The following CSGALNACT1 variants were observed in gnomAD, a reference collection of about 807,000 sequenced individuals.
CSGALNACT1 encodes chondroitin sulfate N-acetylgalactosaminyltransferase 1, also known as beta4GalNAcT-1.
Under a neutral mutation model 51.0 loss-of-function variants are expected in CSGALNACT1, and 52 were observed. The ratio of observed to expected loss-of-function variants is 1.02; its 90% CI spans 0.82 to 1.29. The LOEUF is 1.29. Among genes scored for constraint, CSGALNACT1 ranks in the 50% most tolerant of loss-of-function variants. CSGALNACT1 has a pLI of 0.00. For missense variants in CSGALNACT1, 935 were observed against 679.2 expected (o/e 1.38, Z -4.19); for synonymous variants, 341 against 254.4 (o/e 1.34, Z -3.24).
chr8:19,601,602 AGTAATT>A (rs1188478754), intron 2 of CSGALNACT1, among the ~76,000 whole-genome samples, 163 bp downstream of exon 2: 4 of 152,350 alleles, frequency 2.6e-5, no homozygotes, highest in African/African-American at 9.6e-5. Flanking sequence ...AATGGAGCCA[AGTAATT>A]GTATTATTTT....
intron 3 of CSGALNACT1, among the ~76,000 whole-genome samples, chr8:19,569,447 C>G (rs1286575597): frequency 1.3e-5 from 2 of 152,084 alleles, no homozygotes; most frequent in East Asian, 3.9e-4. Context: ...CTTTTTGAAC[C>G]CAGTACTGAA....
intron 5 of CSGALNACT1, among the ~76,000 whole-genome samples, chr8:19,447,034 C>T (rs1160508978): frequency 6.6e-6 from 1 of 152,186 alleles, no homozygotes; most frequent in African/African-American, 2.4e-5. Flanking sequence ...TTCCCAAGAG[C>T]CAAAAGCCCT....
intron 3 of CSGALNACT1, among the ~76,000 whole-genome samples, chr8:19,560,487 A>G (rs2040461632): frequency 6.6e-6 from 1 of 152,200 alleles, no homozygotes; most frequent in Admixed American, 6.5e-5. Flanking sequence ...AGTCACATGT[A>G]TAACCAACAG....
At chr8:19,667,778 AAATGT>A (rs1313506560) in intron 1 of CSGALNACT1, among the ~76,000 whole-genome samples, 2 of 152,218 alleles carry the variant, frequency 1.3e-5, no homozygotes, top group Non-Finnish European at 2.9e-5. Flanking sequence ...AAGCCACAGA[AAATGT>A]AATGTAAGAT....
At chr8:19,754,764 C>G (rs897940089) in intron 1 of CSGALNACT1, among the ~76,000 whole-genome samples, 1 of 152,178 alleles carries the variant, frequency 6.6e-6, no homozygotes, top group Non-Finnish European at 1.5e-5. Context: ...CCTTAAAGGA[C>G]AGGATAATGG....
chr8:19,569,581 G>A (rs983048495), intron 3 of CSGALNACT1, among the ~76,000 whole-genome samples: 1 of 152,014 alleles, frequency 6.6e-6, no homozygotes, highest in African/African-American at 2.4e-5. Flanking sequence ...GTTGGTTGTT[G>A]ACAATACCAA....
intron 3 of CSGALNACT1, among the ~76,000 whole-genome samples, chr8:19,567,797 G>T (rs536360189): frequency 3.3e-5 from 5 of 152,156 alleles, no homozygotes; most frequent in East Asian, 1.9e-4. Context: ...GTTTAACAAC[G>T]TTGTTAGATG....
At chr8:19,483,589 G>A (rs1328172598) in intron 4 of CSGALNACT1, among the ~76,000 whole-genome samples, 1 of 152,096 alleles carries the variant, frequency 6.6e-6, no homozygotes, top group South Asian at 2.1e-4. Context: ...TTCCTCCAGG[G>A]ATCAATCCTT....
chr8:19,469,195 G>C (rs113981051), intron 4 of CSGALNACT1, among the ~76,000 whole-genome samples: 3,478 of 152,250 alleles, frequency 0.023, 146 homozygotes, highest in African/African-American at 0.08. Context: ...TTCGAGAGCA[G>C]TCTGGGAAAC....
chr8:19,662,255 C>T (rs933982184), intron 1 of CSGALNACT1, among the ~76,000 whole-genome samples: 8 of 151,890 alleles, frequency 5.3e-5, no homozygotes, highest in African/African-American at 1.9e-4. Flanking sequence ...TGGTAGTGTG[C>T]ACCTGTAATC....
upstream of CSGALNACT1, among the ~76,000 whole-genome samples, chr8:19,683,673 G>C: frequency 6.6e-6 from 1 of 152,120 alleles, no homozygotes; most frequent in East Asian, 1.9e-4. Flanking sequence ...TTATTATATA[G>C]ATCTCAAGTC....
intron 5 of CSGALNACT1, among the ~76,000 whole-genome samples, chr8:19,440,531 A>G (rs1403399603): frequency 6.6e-6 from 1 of 152,098 alleles, no homozygotes; most frequent in Non-Finnish European, 1.5e-5. Flanking sequence ...TTCATGCTAA[A>G]AACTCTCAAT....
At chr8:19,667,938 A>G (rs2059511087) in intron 1 of CSGALNACT1, among the ~76,000 whole-genome samples, 1 of 152,228 alleles carries the variant, frequency 6.6e-6, no homozygotes, top group Non-Finnish European at 1.5e-5. Flanking sequence ...AATAGAATTA[A>G]AGCGCAGATC....
intron 4 of CSGALNACT1, among the ~76,000 whole-genome samples, chr8:19,490,689 G>A (rs1373619703): frequency 6.6e-6 from 1 of 152,138 alleles, no homozygotes; most frequent in Non-Finnish European, 1.5e-5. Context: ...GTGGAGCCCA[G>A]GACACAATGA....
In CSGALNACT1 at chr8:19,551,423, C is replaced by G. The variant is rs1041284208; in HGVS notation, c.-297+39737G>C. Among the ~76,000 whole-genome samples, 8 of 152,218 alleles carry G rather than the reference C, an allele frequency of 5.3e-5. No individual in the cohort carries two copies. In the East Asian group the frequency reaches 5.8e-4, roughly 11 times the overall value. The stretch of plus-strand genomic sequence containing the variant: ...CTTCAAGCCAATCTCTGTGCAGACC[C>G]GAAACTCCACTTGCAAAATCTCTCC... On this transcript the variant is annotated intron_variant, in intron 3 of 9. Coordinates refer to ENST00000454498, the Ensembl canonical transcript of CSGALNACT1.
chr8:19,618,778 G>A (rs2053426797), intron 1 of CSGALNACT1, among the ~76,000 whole-genome samples: 1 of 151,966 alleles, frequency 6.6e-6, no homozygotes, highest in East Asian at 1.9e-4. Context: ...CCAAGGCCGG[G>A]GCTAGCACTT....
At chr8:19,406,032 C>G (rs2054095084) in exon 10 of CSGALNACT1, 2 of 1,614,250 alleles carry the variant, frequency 1.2e-6, no homozygotes, top group Non-Finnish European at 1.7e-6. Flanking sequence ...GGTGCACATC[C>G]TCTCCGCCCC....
At chr8:19,646,424 T>C (rs2057287195) in intron 1 of CSGALNACT1, among the ~76,000 whole-genome samples, 1 of 152,146 alleles carries the variant, frequency 6.6e-6, no homozygotes, top group Non-Finnish European at 1.5e-5. Context: ...CAAAGATAAT[T>C]TGAAGAGATA....
intron 1 of CSGALNACT1, among the ~76,000 whole-genome samples, chr8:19,741,131 G>C (rs2064286860): frequency 6.6e-6 from 1 of 152,206 alleles, no homozygotes; most frequent in Admixed American, 6.5e-5. Flanking sequence ...TGGCAGTCCA[G>C]TGGCACAGAC....
Sources: gnomAD v4.1 joint callset for allele counts (sites outside exome capture counted in the v4.1 genomes callset) on GRCh38, gnomAD v4.1.1 for gene constraint, MANE v1.5 for transcripts, NCBI Gene and HGNC (gene_info 2026-07-23, HGNC 2026-07-21) for gene names.